The following PLCB1 variants were observed in gnomAD, a reference collection of about 807,000 sequenced individuals.
PLCB1 encodes 1-phosphatidylinositol 4,5-bisphosphate phosphodiesterase beta-1.
In PLCB1, 46 loss-of-function variants were observed where a neutral mutation model predicts 161.8. The ratio of observed to expected loss-of-function variants is 0.28; its 90% confidence interval spans 0.22 to 0.36. The LOEUF (loss-of-function observed/expected upper bound fraction) is 0.36. Ranked by LOEUF, PLCB1 falls within the 10% of genes least tolerant of loss-of-function variation. PLCB1 has a pLI of 1.00. For missense variants in PLCB1, 1,016 were observed against 1,472.5 expected, an observed-to-expected ratio of 0.69 and a Z score of 5.07; for synonymous variants, 517 against 503.7, an observed-to-expected ratio of 1.03 and a Z score of -0.35.
chr20:8,731,633 A>C (rs1980252658), intron 18 of PLCB1, among the ~76,000 whole-genome samples: 1 of 152,002 alleles, frequency 6.6e-6, no homozygotes, highest in African/African-American at 2.4e-5. Context: ...TGGGATGATC[A>C]TATGTTCATT....
intron 3 of PLCB1, among the ~76,000 whole-genome samples, chr20:8,443,060 A>G (rs926775608): frequency 2.0e-5 from 3 of 151,732 alleles, no homozygotes; most frequent in African/African-American, 7.3e-5. Context: ...GCTCACTGCA[A>G]TATCTGCATC....
At chr20:8,191,948 A>G (rs2051975037) in intron 2 of PLCB1, among the ~76,000 whole-genome samples, 1 of 151,998 alleles carries the variant, frequency 6.6e-6, no homozygotes, top group Non-Finnish European at 1.5e-5. Context: ...AGGAAGGTTG[A>G]CTTCAATATT....
chr20:8,276,822 A>G (rs1224553672), intron 2 of PLCB1, among the ~76,000 whole-genome samples: 2 of 151,908 alleles, frequency 1.3e-5, no homozygotes, highest in Non-Finnish European at 2.9e-5. Flanking sequence ...CAACAGCACA[A>G]CCATAGCCCC....
At chr20:8,573,216 T>C (rs981946239) in intron 3 of PLCB1, among the ~76,000 whole-genome samples, 5 of 152,182 alleles carry the variant, frequency 3.3e-5, no homozygotes, top group South Asian at 2.1e-4. Context: ...AATGTCATTA[T>C]TGGATTTGCC....
At chr20:8,253,007 G>C (rs1981231917) in intron 2 of PLCB1, among the ~76,000 whole-genome samples, 2 of 151,938 alleles carry the variant, frequency 1.3e-5, no homozygotes, top group Admixed American at 6.6e-5. Flanking sequence ...ACTCTCTGAA[G>C]TATTCCAGTT....
In PLCB1 at chr20:8,164,534, G is replaced by T. The variant is rs116588200; in HGVS notation, c.177+14163G>T. Among the ~76,000 whole-genome samples the T allele has an allele frequency of 2.7e-3, 414 of 152,274 alleles. 1 individual carries two copies. Among genetic ancestry groups the T allele is most frequent in the African/African-American group, 9.0e-3 (373 of 41,554 alleles). ...GTGTCCAGGTGCCATTTCCATCATT[G>T]CAGAATATGTTATTGGACATCACTG... On this transcript the variant is annotated intron_variant, in intron 2 of 31. Coordinates refer to ENST00000338037, the MANE Select transcript of PLCB1 (RefSeq NM_015192.4).
At chr20:8,466,079 G>A (rs1981808216) in intron 3 of PLCB1, among the ~76,000 whole-genome samples, 1 of 146,318 alleles carries the variant, frequency 6.8e-6, no homozygotes, top group South Asian at 2.2e-4. Flanking sequence ...CAACCCAAAT[G>A]TCCAACAATG....
At chr20:8,524,496 G>T (rs1984503649) in intron 3 of PLCB1, among the ~76,000 whole-genome samples, 1 of 152,094 alleles carries the variant, frequency 6.6e-6, no homozygotes, top group African/African-American at 2.4e-5. Context: ...GAATAACCTT[G>T]TAAACGTGTC....
rs191810203 is a variant in PLCB1 at position 8,482,293 on chromosome 20, G to A, written c.246+110843G>A. Among the ~76,000 whole-genome samples the A allele has an allele frequency of 4.7e-4, 72 of 151,810 alleles. 1 individual carries two copies. The East Asian group carries it at 9.3e-3, about 20-fold the overall frequency. ...TAATTTTTGTATTTTTAGTAGAGACGGGGTTTCACCACGTTGGGCAGGATG... is the reference window on the plus strand; with the variant it reads ...TAATTTTTGTATTTTTAGTAGAGACAGGGTTTCACCACGTTGGGCAGGATG... On this transcript the variant is annotated intron_variant, in intron 3 of 31. Coordinates refer to ENST00000338037, the MANE Select transcript of PLCB1 (RefSeq NM_015192.4).
intron 16 of PLCB1, 71 bp from the exon 17 acceptor site, chr20:8,727,238 A>T: frequency 1.4e-6 from 1 of 692,406 alleles, no homozygotes; most frequent in Non-Finnish European, 2.5e-6. Context: ...TTCTTTTATA[A>T]TGTTATAATT....
chr20:8,662,477 T>C (rs868458596), intron 9 of PLCB1, among the ~76,000 whole-genome samples: 3 of 140,016 alleles, frequency 2.1e-5, no homozygotes, highest in African/African-American at 5.2e-5. Flanking sequence ...ATGTATAATA[T>C]ATATATAATT....
intron 3 of PLCB1, among the ~76,000 whole-genome samples, chr20:8,574,027 CA>C (rs1986602346): frequency 6.6e-6 from 1 of 152,118 alleles, no homozygotes; most frequent in Non-Finnish European, 1.5e-5. Context: ...TTGAAACATA[CA>C]AATTAGAGCT....
At chr20:8,336,531 A>G (rs1985588044) in intron 2 of PLCB1, among the ~76,000 whole-genome samples, 1 of 152,156 alleles carries the variant, frequency 6.6e-6, no homozygotes, top group African/African-American at 2.4e-5. Context: ...ATTCATGCAC[A>G]TCTCCTGGGG....
intron 3 of PLCB1, among the ~76,000 whole-genome samples, chr20:8,481,578 T>C (rs1165007987): frequency 6.6e-6 from 1 of 152,222 alleles, no homozygotes; most frequent in Non-Finnish European, 1.5e-5. Flanking sequence ...CTGTATATTT[T>C]AGTTCATTTT....
At chr20:8,391,785 GTATATA>G (rs374178427) in intron 3 of PLCB1, among the ~76,000 whole-genome samples, 12,830 of 114,526 alleles carry the variant, frequency 0.11, 950 homozygotes, top group East Asian at 0.2. Context: ...ATATGTGTGT[GTATATA>G]TATATATATA....
At chr20:8,245,341 T>C (rs1366401473) in intron 2 of PLCB1, among the ~76,000 whole-genome samples, 1 of 151,864 alleles carries the variant, frequency 6.6e-6, no homozygotes, top group African/African-American at 2.4e-5. Context: ...CTAACATTCA[T>C]AGATAAGTAC....
intron 3 of PLCB1, among the ~76,000 whole-genome samples, chr20:8,480,689 T>C (rs1982464257): frequency 6.6e-6 from 1 of 152,146 alleles, no homozygotes; most frequent in Non-Finnish European, 1.5e-5. Context: ...TTCTGAAGAA[T>C]AGAGTAGCAC....
intron 31 of PLCB1, among the ~76,000 whole-genome samples, chr20:8,873,651 T>TA (rs894802412): frequency 1.3e-5 from 2 of 152,052 alleles, no homozygotes; most frequent in Non-Finnish European, 2.9e-5. Context: ...TTGTATTCTT[T>TA]AAAAAAATGG....
intron 24 of PLCB1, among the ~76,000 whole-genome samples, chr20:8,759,852 T>TAAAA (rs1223013164): frequency 6.6e-6 from 1 of 152,016 alleles, no homozygotes; most frequent in African/African-American, 2.4e-5. Context: ...CAAGTGGATG[T>TAAAA]CTTTTCTCTT....
Sources: gnomAD v4.1 joint callset for allele counts (sites outside exome capture counted in the v4.1 genomes callset) on GRCh38, gnomAD v4.1.1 for gene constraint, MANE v1.5 for transcripts, NCBI Gene and HGNC (gene_info 2026-07-23, HGNC 2026-07-21) for gene names.